The following COL4A6 variants were observed in gnomAD, a reference collection of about 807,000 sequenced individuals.
The protein encoded by COL4A6 is collagen alpha-6(IV) chain.
COL4A6 carries 59 observed loss-of-function variants against 126.7 expected under a neutral mutation model. The observed-to-expected ratio is 0.47, with a 90% CI of 0.38 to 0.58. The LOEUF is 0.58. COL4A6 is among the 20% of genes least tolerant of loss of function. The pLI, the probability that COL4A6 is intolerant of heterozygous loss-of-function variation, is 0.00. For missense variants in COL4A6, 1,285 were observed against 1,337.3 expected (o/e 0.96, Z 0.61); for synonymous variants, 547 against 496.6 (o/e 1.10, Z -1.35).
intron 2 of COL4A6, among the ~76,000 whole-genome samples, chrX:108,433,171 G>A (rs911600034): frequency 3.6e-5 from 4 of 112,030 alleles, no homozygotes; most frequent in South Asian, 3.7e-4. Flanking sequence ...TTGTTATAAC[G>A]GAGGAGAATT....
intron 2 of COL4A6, among the ~76,000 whole-genome samples, chrX:108,366,366 A>G (rs1186990103): frequency 8.9e-6 from 1 of 112,100 alleles, no homozygotes; most frequent in Non-Finnish European, 1.9e-5. Context: ...GCATCACATC[A>G]TGTTGAGATT....
At chrX:108,391,005 G>T (rs1168830325) in intron 2 of COL4A6, among the ~76,000 whole-genome samples, 1 of 111,123 alleles carries the variant, frequency 9.0e-6, no homozygotes, top group Non-Finnish European at 1.9e-5. Context: ...TTTGCTGGAG[G>T]TCCACTCCAG....
intron 2 of COL4A6, among the ~76,000 whole-genome samples, chrX:108,364,696 T>C (rs2148075107): frequency 8.9e-6 from 1 of 111,889 alleles, no homozygotes; most frequent in East Asian, 2.8e-4. Context: ...TCCTGAGTTG[T>C]TTCACTCGGG....
rs1264223680 is a variant in COL4A6 at position 108,373,634 on chromosome X, T to G, written c.64-62806A>C. ...GATTATGTCTCTCTCCTTCCTTGATTAAGCCTGTTATATCTCCCCAGCCCC... is the reference window on the plus strand; with the variant it reads ...GATTATGTCTCTCTCCTTCCTTGATGAAGCCTGTTATATCTCCCCAGCCCC... On this transcript the variant is annotated intron_variant, in intron 2 of 44. Transcript: ENST00000334504. Among the ~76,000 whole-genome samples, 3 of 111,314 alleles carry G rather than the reference T, an allele frequency of 2.7e-5. No individual in the cohort carries two copies. The East Asian group carries it at 8.5e-4, about 31-fold the overall frequency.
At chrX:108,275,069 G>C (rs1399692547) in intron 3 of COL4A6, among the ~76,000 whole-genome samples, 9 of 110,666 alleles carry the variant, frequency 8.1e-5, no homozygotes, top group Admixed American at 2.9e-4. Context: ...GAAATCTAGG[G>C]GTATATACAT....
chrX:108,301,609 A>G lies in COL4A6; in HGVS notation c.144+9139T>C, dbSNP rs2038492156. 2.7e-5 allele frequency among the ~76,000 whole-genome samples: 3 copies of G among 111,762 alleles called. No individual in the cohort carries two copies. In the South Asian group the frequency reaches 1.1e-3, roughly 42 times the overall value. On this transcript the variant is annotated intron_variant, in intron 3 of 44. Coordinates refer to ENST00000334504, the MANE Select transcript of COL4A6 (RefSeq NM_033641.4). ...GAGGCCATTTGACATGGTGGAAAGA[A>G]CACTATGGAGGGGAATGGAACACTT...
chrX:108,370,485 C>T (rs932137572), intron 2 of COL4A6, among the ~76,000 whole-genome samples: 1 of 111,514 alleles, frequency 9.0e-6, no homozygotes, highest in Non-Finnish European at 1.9e-5. Flanking sequence ...ATCATTCAGT[C>T]GTAGGGATTT....
rs151087335 is a variant in COL4A6 at position 108,331,186 on chromosome X, C to T, written c.64-20358G>A. On this transcript the variant is annotated intron_variant, in intron 2 of 44. Transcript: ENST00000334504. ...ATATTCCCAGAGCCTAGCACTGTGC[C>T]TGGTACATTAGTAGGTGGTTGTTAT... Among the ~76,000 whole-genome samples, 117 of 111,792 alleles carry T rather than the reference C, an allele frequency of 1.0e-3. 4 individuals are homozygous for T. The East Asian group carries it at 0.032, about 31-fold the overall frequency.
chrX:108,238,671 T>C (rs996894729), intron 3 of COL4A6, among the ~76,000 whole-genome samples: 1 of 109,116 alleles, frequency 9.2e-6, no homozygotes, highest in Non-Finnish European at 1.9e-5. Context: ...AACATCCCCG[T>C]AAGTGTCCTA....
chrX:108,303,763 T>C (rs1474141145), intron 3 of COL4A6, among the ~76,000 whole-genome samples: 1 of 111,600 alleles, frequency 9.0e-6, no homozygotes, highest in Non-Finnish European at 1.9e-5. Context: ...GTCCTGCACA[T>C]TCCTGCAGAA....
chrX:108,194,393 A>G (rs2035146550), intron 16 of COL4A6, 141 bp downstream of exon 16: 1 of 586,884 alleles, frequency 1.7e-6, no homozygotes, highest in African/African-American at 2.3e-5. Flanking sequence ...TGTGTGTTCA[A>G]AGCAGATTAC....
chrX:108,271,969 C>G (rs1353685282), intron 3 of COL4A6, among the ~76,000 whole-genome samples: 1 of 112,076 alleles, frequency 8.9e-6, no homozygotes, highest in East Asian at 2.8e-4. Flanking sequence ...AGCTAATTAA[C>G]CAGTTTACCC....
At chrX:108,256,575 G>T (rs1040785916) in intron 3 of COL4A6, among the ~76,000 whole-genome samples, 1 of 111,128 alleles carries the variant, frequency 9.0e-6, no homozygotes, top group Non-Finnish European at 1.9e-5. Flanking sequence ...ATTTGAACTT[G>T]GGCTAATTGA....
chrX:108,169,138 G>A (rs929640123), intron 37 of COL4A6, among the ~76,000 whole-genome samples: 2 of 111,322 alleles, frequency 1.8e-5, no homozygotes, highest in Non-Finnish European at 3.8e-5. Flanking sequence ...CACACTGGAC[G>A]CTGAGGAAAT....
At chrX:108,304,291 C>A (rs886508446) in intron 3 of COL4A6, among the ~76,000 whole-genome samples, 5 of 112,027 alleles carry the variant, frequency 4.5e-5, no homozygotes, top group Non-Finnish European at 3.8e-5. Context: ...ATTAAGATAA[C>A]CACGAACATC....
intron 2 of COL4A6, among the ~76,000 whole-genome samples, chrX:108,399,347 T>A (rs996062182): frequency 1.8e-5 from 2 of 111,543 alleles, no homozygotes; most frequent in Non-Finnish European, 3.8e-5. Context: ...ACTCTAAGAT[T>A]TTTTATTTTG....
intron 8 of COL4A6, among the ~76,000 whole-genome samples, chrX:108,207,243 C>T (rs904090388): frequency 2.8e-5 from 3 of 107,004 alleles, no homozygotes; most frequent in Admixed American, 1.0e-4. Context: ...GATTAAACAC[C>T]GCATGTTCAC....
At chrX:108,236,679 T>C (rs1727135093) in intron 3 of COL4A6, among the ~76,000 whole-genome samples, 1 of 111,774 alleles carries the variant, frequency 8.9e-6, no homozygotes, top group African/African-American at 3.3e-5. Flanking sequence ...CAGAACAAAC[T>C]TCATGGTAAA....
At chrX:108,246,700 C>T (rs1016168010) in intron 3 of COL4A6, among the ~76,000 whole-genome samples, 9 of 110,890 alleles carry the variant, frequency 8.1e-5, no homozygotes, top group Non-Finnish European at 1.7e-4. Context: ...TGAACTCTGG[C>T]TCATGATCTT....
Sources: gnomAD v4.1 joint callset for allele counts (sites outside exome capture counted in the v4.1 genomes callset) on GRCh38, gnomAD v4.1.1 for gene constraint, MANE v1.5 for transcripts, NCBI Gene and HGNC (gene_info 2026-07-23, HGNC 2026-07-21) for gene names.